LSAMP: variants seen among roughly 807,000 people sequenced by gnomAD.
LSAMP encodes limbic system-associated membrane protein.
A neutral mutation model predicts 38.6 loss-of-function variants in LSAMP; 7 were observed. That is an observed-to-expected ratio of 0.18 (90% confidence interval 0.10 to 0.34). LSAMP has a LOEUF of 0.34. Ranked by LOEUF, LSAMP falls within the 10% of genes least tolerant of loss-of-function variation. LSAMP has a pLI of 1.00. For synonymous variants in LSAMP, 154 were observed against 166.8 expected (o/e 0.92, Z 0.59); for missense variants, 313 against 420.0 (o/e 0.75, Z 2.23).
At chr3:116,429,054 T>C (rs1016616900) in intron 1 of LSAMP, among the ~76,000 whole-genome samples, 13 of 152,220 alleles carry the variant, frequency 8.5e-5, no homozygotes, top group Non-Finnish European at 1.5e-5. Context: ...TTCAAAACTG[T>C]TACCCAAAAT....
At chr3:116,184,088 T>C (rs1177246023) in intron 1 of LSAMP, among the ~76,000 whole-genome samples, 1 of 151,840 alleles carries the variant, frequency 6.6e-6, no homozygotes, top group African/African-American at 2.4e-5. Context: ...AAGTAGAATC[T>C]GGGAGACTCA....
intron 1 of LSAMP, among the ~76,000 whole-genome samples, chr3:116,341,904 G>T (rs938407504): frequency 2.6e-5 from 4 of 151,976 alleles, no homozygotes; most frequent in Non-Finnish European, 5.9e-5. Flanking sequence ...AAGGTTAAAG[G>T]AGCTGAACAT....
intron 3 of LSAMP, among the ~76,000 whole-genome samples, chr3:115,917,706 C>A (rs1314705024): frequency 6.6e-6 from 1 of 151,838 alleles, no homozygotes; most frequent in Non-Finnish European, 1.5e-5. Context: ...AATATAGCAC[C>A]CCCAGTAGGG....
At chr3:116,212,094 A>G (rs1559785327) in intron 1 of LSAMP, among the ~76,000 whole-genome samples, 1 of 152,196 alleles carries the variant, frequency 6.6e-6, no homozygotes, top group Non-Finnish European at 1.5e-5. Flanking sequence ...ACAGAATTTT[A>G]TTGCTTGACA....
intron 1 of LSAMP, among the ~76,000 whole-genome samples, chr3:116,331,028 A>T (rs868668901): frequency 6.6e-6 from 1 of 152,304 alleles, no homozygotes; most frequent in Middle Eastern, 3.4e-3. Flanking sequence ...AGTTAAAAAA[A>T]TATGTATGAA....
intron 1 of LSAMP, among the ~76,000 whole-genome samples, chr3:116,171,528 C>T (rs920708081): frequency 5.3e-5 from 8 of 152,040 alleles, no homozygotes; most frequent in African/African-American, 1.9e-4. Context: ...GGTGGCCCTA[C>T]CTGATTTTTT....
At chr3:115,842,086 G>A in intron 5 of LSAMP, 93 bp from the exon 6 acceptor site, 2 of 1,300,138 alleles carry the variant, frequency 1.5e-6, no homozygotes, top group Non-Finnish European at 2.1e-6. Context: ...AGGAAAAGGA[G>A]AGAAAGGAAG....
intron 4 of LSAMP, among the ~76,000 whole-genome samples, chr3:115,847,991 C>T (rs1431987084): frequency 1.3e-5 from 2 of 152,092 alleles, no homozygotes; most frequent in Non-Finnish European, 2.9e-5. Flanking sequence ...TATAATGAAA[C>T]ATTGTAGTAC....
At chr3:115,872,386 C>T (rs74807977) in intron 3 of LSAMP, among the ~76,000 whole-genome samples, 2,533 of 152,156 alleles carry the variant, frequency 0.017, 63 homozygotes, top group African/African-American at 0.056. Context: ...TGCCACCCTG[C>T]GGCATCACCT....
At chr3:116,318,618 C>T (rs2047665516) in intron 1 of LSAMP, among the ~76,000 whole-genome samples, 1 of 152,104 alleles carries the variant, frequency 6.6e-6, no homozygotes. Flanking sequence ...AGTTAAATAA[C>T]AGAGGTAATT....
chr3:115,818,790 T>TTATATACA (rs1467152356), intron 6 of LSAMP, among the ~76,000 whole-genome samples: 20 of 69,788 alleles, frequency 2.9e-4, no homozygotes, highest in African/African-American at 7.0e-4. Flanking sequence ...AGTTGTACTT[T>TTATATACA]TATATATATA....
At chr3:116,411,576 T>C (rs2048977761) in intron 1 of LSAMP, among the ~76,000 whole-genome samples, 1 of 125,582 alleles carries the variant, frequency 8.0e-6, no homozygotes, top group African/African-American at 3.1e-5. Context: ...AACTGAACAA[T>C]GAGAACACAC....
At chr3:115,890,233 G>C (rs1332231972) in intron 3 of LSAMP, among the ~76,000 whole-genome samples, 1 of 151,876 alleles carries the variant, frequency 6.6e-6, no homozygotes, top group Non-Finnish European at 1.5e-5. Context: ...ATCTCTCTGG[G>C]ACATTTTGCA....
intron 3 of LSAMP, among the ~76,000 whole-genome samples, chr3:115,975,477 G>A (rs1939159078): frequency 6.6e-6 from 1 of 152,164 alleles, no homozygotes; most frequent in Admixed American, 6.5e-5. Flanking sequence ...AAAAGCAAAG[G>A]AGACAGACAG....
intron 1 of LSAMP, among the ~76,000 whole-genome samples, chr3:116,437,840 AT>A (rs1315932245): frequency 6.6e-6 from 1 of 152,182 alleles, no homozygotes; most frequent in Non-Finnish European, 1.5e-5. Flanking sequence ...CTAATTCTCA[AT>A]TGATCACTCA....
chr3:116,103,934 T>G (rs1416179376), intron 1 of LSAMP, among the ~76,000 whole-genome samples: 3 of 152,242 alleles, frequency 2.0e-5, no homozygotes, highest in African/African-American at 7.2e-5. Flanking sequence ...GTATAATACC[T>G]GAATCACAGA....
intron 1 of LSAMP, among the ~76,000 whole-genome samples, chr3:116,166,664 T>C (rs560557765): frequency 2.6e-5 from 4 of 152,336 alleles, no homozygotes; most frequent in African/African-American, 9.6e-5. Flanking sequence ...ATAGTCATTG[T>C]ATCCAGAAAA....
chr3:116,193,607 C>T (rs1028995265), intron 1 of LSAMP, among the ~76,000 whole-genome samples: 2 of 152,118 alleles, frequency 1.3e-5, no homozygotes, highest in African/African-American at 2.4e-5. Context: ...AGACATTGTG[C>T]TAGACAATGA....
chr3:116,043,843 G>A (rs1941231330), intron 2 of LSAMP, among the ~76,000 whole-genome samples: 1 of 152,210 alleles, frequency 6.6e-6, no homozygotes, highest in African/African-American at 2.4e-5. Context: ...CTACTCCAGA[G>A]GCTGAGGCAG....
Sources: allele counts gnomAD v4.1 joint callset (sites outside exome capture counted in the v4.1 genomes callset), GRCh38; gene constraint gnomAD v4.1.1; transcripts MANE v1.5; gene names NCBI Gene and HGNC (gene_info 2026-07-23, HGNC 2026-07-21).